TMEM236: variants seen among roughly 807,000 people sequenced by gnomAD.
The protein encoded by TMEM236 is transmembrane protein 236.
In TMEM236, 11 loss-of-function variants were observed where a neutral mutation model predicts 14.7. The observed-to-expected ratio is 0.75, with a 90% CI of 0.47 to 1.24. TMEM236 has a LOEUF of 1.24. Ranked by LOEUF, TMEM236 falls within the 50% of genes most tolerant of loss-of-function variation. The probability of loss-of-function intolerance (pLI) is 0.00; values close to 1 mark genes in which losing one functional copy is unlikely to be tolerated. For missense variants in TMEM236, 464 were observed against 427.3 expected, an observed-to-expected ratio of 1.09 and a Z score of -0.76; for synonymous variants, 182 against 168.6, an observed-to-expected ratio of 1.08 and a Z score of -0.62.
At chr10:17,788,872 G>A (rs991271597) in intron 3 of TMEM236, among the ~76,000 whole-genome samples, 6,089 of 152,210 alleles carry the variant, frequency 0.04, 256 homozygotes, top group East Asian at 0.21. Flanking sequence ...AGCTGATGAC[G>A]GGTTGAATAT....
Position 17,793,229 on chromosome 10 carries a change from A to T in TMEM236, c.473-2692A>T, listed in dbSNP as rs797033307. On this transcript the variant is annotated intron_variant, in intron 3 of 3. Coordinates refer to ENST00000377495, the MANE Select transcript of TMEM236 (RefSeq NM_001098844.3). The stretch of plus-strand genomic sequence containing the variant: ...ATAGCAGCTGCTCTTAGCATCTGAA[A>T]TGTTAAGACTCTCCCTGACTGTTTA... Among the ~76,000 whole-genome samples, 7 of 152,350 alleles carry T rather than the reference A, an allele frequency of 4.6e-5. No homozygotes were observed. The East Asian group carries it at 9.6e-4, about 21-fold the overall frequency.
intron 3 of TMEM236, among the ~76,000 whole-genome samples, chr10:17,782,705 C>T (rs1241550723): frequency 6.6e-6 from 1 of 152,084 alleles, no homozygotes; most frequent in African/African-American, 2.4e-5. Flanking sequence ...ACCCGCCTCA[C>T]CTCCCAAAGT....
In TMEM236 at chr10:17,798,619, CCT is replaced by C. The variant is rs2130544940; in HGVS notation, c.*2118_*2119del. On this transcript the variant is annotated 3_prime_UTR_variant, in exon 4 of 4. Coordinates refer to ENST00000377495, the MANE Select transcript of TMEM236 (RefSeq NM_001098844.3). ...CCCCTTGCCACCCTGTCTCCCTTTC[CCT>C]CTGTTTTAGGATTTTTCTCACACTG... 1 of 531,936 alleles carries C rather than the reference CCT, an allele frequency of 1.9e-6. No homozygotes were observed. Among genetic ancestry groups the C allele is most frequent in the African/African-American group, 1.9e-5 (1 of 51,812 alleles). The allele number at this position is 531,936 out of a possible 1,614,324, so 33.0% of individuals were successfully genotyped here.
chr10:17,762,632 T>A (rs1347782618), intron 1 of TMEM236, among the ~76,000 whole-genome samples: 2 of 124,640 alleles, frequency 1.6e-5, no homozygotes, highest in Admixed American at 8.4e-5. Flanking sequence ...CACATACATA[T>A]ATATATATAT....
intron 3 of TMEM236, among the ~76,000 whole-genome samples, chr10:17,789,998 TG>T (rs1479616422): frequency 6.6e-6 from 1 of 151,924 alleles, no homozygotes; most frequent in African/African-American, 2.4e-5. Flanking sequence ...CACTCCAGCC[TG>T]GGCGACAGAG....
At chr10:17,775,336 A>G (rs1837642391) in intron 2 of TMEM236, among the ~76,000 whole-genome samples, 1 of 152,118 alleles carries the variant, frequency 6.6e-6, no homozygotes, top group Admixed American at 6.5e-5. Flanking sequence ...GTGCAGTGTC[A>G]CAGTCACTAG....
chr10:17,762,610 TATATATATACAC>T (rs1220964875), intron 1 of TMEM236, among the ~76,000 whole-genome samples: 1 of 78,980 alleles, frequency 1.3e-5, no homozygotes, highest in African/African-American at 8.4e-5. Context: ...TATATATATA[TATATATATACAC>T]ACATACATAT....
At chr10:17,768,495 A>G (rs201287664) in intron 1 of TMEM236, among the ~76,000 whole-genome samples, 6,186 of 152,248 alleles carry the variant, frequency 0.041, 215 homozygotes, top group East Asian at 0.2. Flanking sequence ...ACTCATTTAA[A>G]AATGTTGTCC....
At chr10:17,771,469 A>C in intron 2 of TMEM236, 88 bp downstream of exon 2, 1 of 1,289,060 alleles carries the variant, frequency 7.8e-7, no homozygotes, top group East Asian at 2.3e-5. Flanking sequence ...CGTGCTCAAC[A>C]AATTTCTTGA....
At chr10:17,794,233 T>G (rs1304039627) in intron 3 of TMEM236, among the ~76,000 whole-genome samples, 1 of 152,202 alleles carries the variant, frequency 6.6e-6, no homozygotes, top group Non-Finnish European at 1.5e-5. Flanking sequence ...TTCCACGCGC[T>G]TCAACAAATT....
In TMEM236 at chr10:17,798,458, G is replaced by T; in HGVS notation, c.*1954G>T. 1 of 456,662 alleles carries T rather than the reference G, an allele frequency of 2.2e-6. No individual in the cohort carries two copies. The highest frequency in any genetic ancestry group is 6.6e-5 in the East Asian group (1 of 15,266). 28.3% of individuals were successfully genotyped at this position (456,662 alleles called of 1,614,324 possible). A position where few individuals can be genotyped will look rare whatever the true frequency, so the allele number is the denominator to read the frequency against. ...GGAGGCTGGGGCAGGAAGATTGCTTGAGCCCAGGAGGTCAAGGCTACAGTG... is the reference window on the plus strand; with the variant it reads ...GGAGGCTGGGGCAGGAAGATTGCTTTAGCCCAGGAGGTCAAGGCTACAGTG... On this transcript the variant is annotated 3_prime_UTR_variant, in exon 4 of 4. Coordinates refer to ENST00000377495, the MANE Select transcript of TMEM236 (RefSeq NM_001098844.3).
At chr10:17,766,971 C>T (rs933172868) in intron 1 of TMEM236, among the ~76,000 whole-genome samples, 1 of 152,116 alleles carries the variant, frequency 6.6e-6, no homozygotes, top group Non-Finnish European at 1.5e-5. Context: ...CTCTGTGCAA[C>T]TCTGTCACCA....
rs1181734908 is a variant in TMEM236, at chr10:17,768,085, G to GTTTTTTTTTTTTTTTTTTTTTTTTTT, written c.258-3224_258-3223insTTTTTTTTTTTTTTTTTTTTTTTTTT. 2.9e-4 allele frequency among the ~76,000 whole-genome samples: 29 copies of GTTTTTTTTTTTTTTTTTTTTTTTTTT among 98,830 alleles called. 6 individuals are homozygous for GTTTTTTTTTTTTTTTTTTTTTTTTTT. The highest frequency in any genetic ancestry group is 1.3e-3 in the East Asian group (5 of 3,816). The allele number at this position is 98,830 out of a possible 152,430, so 64.8% of individuals were successfully genotyped here. On this transcript the variant is annotated intron_variant, in intron 1 of 3. Transcript: ENST00000377495. ...ACCACCACACCTCGCTAATTTTTGT[G>GTTTTTTTTTTTTTTTTTTTTTTTTTT]GTTTTTTTTTTTTTTTTTTTTTTGT...
chr10:17,795,341 G>T (rs1385465071), intron 3 of TMEM236, among the ~76,000 whole-genome samples: 1 of 152,158 alleles, frequency 6.6e-6, no homozygotes, highest in Non-Finnish European at 1.5e-5. Context: ...AACTGCATTT[G>T]AATATTGGCG....
intron 1 of TMEM236, among the ~76,000 whole-genome samples, chr10:17,757,027 C>T (rs1197901122): frequency 1.3e-5 from 2 of 152,124 alleles, no homozygotes; most frequent in African/African-American, 4.8e-5. Context: ...GCTGGCCACA[C>T]GTGTTTTAAA....
At chr10:17,766,989 C>T (rs1837477406) in intron 1 of TMEM236, among the ~76,000 whole-genome samples, 1 of 152,070 alleles carries the variant, frequency 6.6e-6, no homozygotes, top group Admixed American at 6.6e-5. Context: ...CCAAATTTCC[C>T]CAATTTTATA....
intron 3 of TMEM236, among the ~76,000 whole-genome samples, chr10:17,781,507 G>A (rs897203762): frequency 6.6e-6 from 1 of 151,986 alleles, no homozygotes; most frequent in South Asian, 2.1e-4. Context: ...TGGGGCTGAG[G>A]TTGGGGGTGG....
chr10:17,788,587 CAA>C (rs1299358068), intron 3 of TMEM236, among the ~76,000 whole-genome samples: 2 of 61,218 alleles, frequency 3.3e-5, no homozygotes. Context: ...CCCATCTCTA[CAA>C]AAAAAAAAAA....
rs1015103032 is a variant in TMEM236 at position 17,795,816 on chromosome 10, A to G, written c.473-105A>G. ...ATTAAATTAAGTGAAAAACAAAAGAATATGGAGAATTCCACCTTTAAATGG... is the reference window on the plus strand; with the variant it reads ...ATTAAATTAAGTGAAAAACAAAAGAGTATGGAGAATTCCACCTTTAAATGG... On this transcript the variant is annotated intron_variant, in intron 3 of 3. Coordinates refer to ENST00000377495, the MANE Select transcript of TMEM236 (RefSeq NM_001098844.3). The G allele has an allele frequency of 1.6e-4, 187 of 1,169,408 alleles. 1 individual carries two copies. In the Middle Eastern group the frequency reaches 1.7e-3, roughly 11 times the overall value. The allele number at this position is 1,169,408 out of a possible 1,614,324, so 72.4% of individuals were successfully genotyped here.
Sources: gnomAD v4.1 joint callset for allele counts (sites outside exome capture counted in the v4.1 genomes callset) on GRCh38, gnomAD v4.1.1 for gene constraint, MANE v1.5 for transcripts, NCBI Gene and HGNC (gene_info 2026-07-23, HGNC 2026-07-21) for gene names.